Variants in WWOX observed in about 807,000 individuals in gnomAD.
The protein encoded by WWOX is WW domain-containing oxidoreductase.
A neutral mutation model predicts 46.2 loss-of-function variants in WWOX; 69 were observed. The ratio of observed to expected loss-of-function variants is 1.49; its 90% confidence interval spans 1.23 to 1.82. The LOEUF is 1.82. Among genes scored for constraint, WWOX ranks in the 40% most tolerant of loss-of-function variants. WWOX has a pLI of 0.00. For synonymous variants in WWOX, 359 were observed against 202.6 expected (o/e 1.77, Z -6.56); for missense variants, 919 against 542.6 (o/e 1.69, Z -6.89).
chr16:78,187,032 A>G (rs1327017546), intron 5 of WWOX, among the ~76,000 whole-genome samples: 1 of 152,128 alleles, frequency 6.6e-6, no homozygotes, highest in Non-Finnish European at 1.5e-5. Context: ...TTCTATGAAA[A>G]GTTATAACAT....
intron 8 of WWOX, among the ~76,000 whole-genome samples, chr16:78,507,459 A>G (rs1015342331): frequency 5.5e-4 from 83 of 152,220 alleles, no homozygotes; most frequent in African/African-American, 1.9e-3. Flanking sequence ...ATTTCTGGGT[A>G]ACACTTTAGA....
At chr16:78,970,109 G>A (rs896888228) in intron 8 of WWOX, among the ~76,000 whole-genome samples, 1 of 152,164 alleles carries the variant, frequency 6.6e-6, no homozygotes, top group South Asian at 2.1e-4. Context: ...TCTGGACCAC[G>A]ACAGGAACCC....
intron 8 of WWOX, among the ~76,000 whole-genome samples, chr16:78,850,226 GC>G (rs1269879709): frequency 1.3e-5 from 2 of 151,996 alleles, no homozygotes; most frequent in Non-Finnish European, 2.9e-5. Context: ...ATAATAACTA[GC>G]CAATGTGTCA....
At chr16:78,271,440 G>C (rs7201426) in intron 5 of WWOX, among the ~76,000 whole-genome samples, 2,026 of 152,294 alleles carry the variant, frequency 0.013, 49 homozygotes, top group African/African-American at 0.047. Flanking sequence ...ACCTTGCTGG[G>C]CTGTTTCAGC....
At chr16:78,885,608 G>C (rs903829025) in intron 8 of WWOX, among the ~76,000 whole-genome samples, 4 of 152,160 alleles carry the variant, frequency 2.6e-5, no homozygotes, top group Non-Finnish European at 5.9e-5. Flanking sequence ...AGAAACTAGA[G>C]CCTCAGTCTC....
intron 8 of WWOX, among the ~76,000 whole-genome samples, chr16:79,034,721 C>T (rs536677806): frequency 1.3e-5 from 2 of 151,744 alleles, no homozygotes; most frequent in Non-Finnish European, 2.9e-5. Flanking sequence ...AACAAAAATA[C>T]TTCTCTGATC....
At chr16:78,716,745 C>G (rs1299908555) in intron 8 of WWOX, among the ~76,000 whole-genome samples, 2 of 152,078 alleles carry the variant, frequency 1.3e-5, no homozygotes, top group African/African-American at 4.8e-5. Context: ...AAAAAAGCGT[C>G]TCTATTCGAA....
At chr16:78,164,049 T>A in intron 4 of WWOX, 134 bp from the exon 5 acceptor site, 1 of 821,744 alleles carries the variant, frequency 1.2e-6, no homozygotes, top group Non-Finnish European at 2.1e-6. Flanking sequence ...CATTTGCTTC[T>A]GTCCCCTGGG....
At chr16:78,140,836 A>G (rs1041722785) in intron 4 of WWOX, among the ~76,000 whole-genome samples, 2 of 152,206 alleles carry the variant, frequency 1.3e-5, no homozygotes, top group Non-Finnish European at 2.9e-5. Flanking sequence ...CAATTAGACC[A>G]ATAGCAACTG....
intron 8 of WWOX, among the ~76,000 whole-genome samples, chr16:78,543,173 G>T (rs1239100295): frequency 6.6e-6 from 1 of 152,224 alleles, no homozygotes; most frequent in Admixed American, 6.5e-5. Flanking sequence ...TGATCTCACA[G>T]CTGCTACATC....
chr16:78,199,244 C>T (rs530582150), intron 5 of WWOX, among the ~76,000 whole-genome samples: 5 of 152,026 alleles, frequency 3.3e-5, no homozygotes, highest in Non-Finnish European at 7.4e-5. Context: ...ACCCAGGAGG[C>T]GGAGGTTGCA....
At chr16:78,464,547 C>T (rs1366418378) in intron 8 of WWOX, among the ~76,000 whole-genome samples, 1 of 152,162 alleles carries the variant, frequency 6.6e-6, no homozygotes, top group African/African-American at 2.4e-5. Flanking sequence ...TCATGACGAT[C>T]CTTCAAGGGA....
intron 8 of WWOX, among the ~76,000 whole-genome samples, chr16:78,949,821 C>A (rs1363813584): frequency 2.6e-5 from 4 of 152,200 alleles, no homozygotes; most frequent in Non-Finnish European, 5.9e-5. Context: ...GGAGAAATCT[C>A]CGTTGTAGAT....
chr16:78,770,313 T>C (rs997842333), intron 8 of WWOX, among the ~76,000 whole-genome samples: 2 of 152,044 alleles, frequency 1.3e-5, no homozygotes, highest in African/African-American at 4.8e-5. Flanking sequence ...ATTGCACCAC[T>C]GTACTCCAGC....
intron 5 of WWOX, chr16:78,179,604 G>C (rs1187368674): frequency 6.6e-6 from 1 of 152,186 alleles, no homozygotes; most frequent in Non-Finnish European, 1.5e-5. Context: ...AATAACAGTA[G>C]TAGCTAGCAT....
At chr16:78,577,570 G>T (rs964951905) in intron 8 of WWOX, among the ~76,000 whole-genome samples, 1 of 152,118 alleles carries the variant, frequency 6.6e-6, no homozygotes, top group Admixed American at 6.5e-5. Flanking sequence ...CCACTTCCTA[G>T]CTTTGGGACG....
intron 8 of WWOX, among the ~76,000 whole-genome samples, chr16:79,001,094 T>G (rs2047083380): frequency 6.6e-6 from 1 of 152,110 alleles, no homozygotes; most frequent in African/African-American, 2.4e-5. Context: ...AAGGGCAAGG[T>G]ACTATGAACT....
intron 8 of WWOX, among the ~76,000 whole-genome samples, chr16:78,638,925 T>C (rs560436720): frequency 6.6e-6 from 1 of 152,132 alleles, no homozygotes; most frequent in African/African-American, 2.4e-5. Context: ...CTGAGAGATA[T>C]CAGTGTAAAA....
At chr16:78,825,103 C>A (rs568560136) in intron 8 of WWOX, among the ~76,000 whole-genome samples, 9 of 151,966 alleles carry the variant, frequency 5.9e-5, no homozygotes, top group Non-Finnish European at 1.2e-4. Flanking sequence ...ATGAGGATGC[C>A]GGCACTCGGG....
Sources: gnomAD v4.1 joint callset for allele counts (sites outside exome capture counted in the v4.1 genomes callset) on GRCh38, gnomAD v4.1.1 for gene constraint, MANE v1.5 for transcripts, NCBI Gene and HGNC (gene_info 2026-07-23, HGNC 2026-07-21) for gene names.